XKR5: variants seen among roughly 807,000 people sequenced by gnomAD.
XKR5 encodes the protein XK related 5.
Under a neutral mutation model 40.8 loss-of-function variants are expected in XKR5, and 46 were observed. The observed-to-expected ratio is 1.13, with a 90% CI of 0.89 to 1.44. XKR5 has a LOEUF of 1.44. Among genes scored for constraint, XKR5 ranks in the 40% most tolerant of loss-of-function variants. The probability of loss-of-function intolerance (pLI) is 0.00; values close to 1 mark genes in which losing one functional copy is unlikely to be tolerated. For synonymous variants in XKR5, 466 were observed against 356.1 expected (o/e 1.31, Z -3.48); for missense variants, 1,169 against 844.7 (o/e 1.38, Z -4.76).
intron 1 of XKR5, among the ~76,000 whole-genome samples, 159 bp downstream of exon 1, chr8:6,835,277 C>G (rs1461221886): frequency 6.6e-6 from 1 of 152,130 alleles, no homozygotes; most frequent in Non-Finnish European, 1.5e-5. Context: ...AGGACGTGCT[C>G]TGCAGGTGGG....
intron 5 of XKR5, among the ~76,000 whole-genome samples, chr8:6,817,535 C>T (rs1404133110): frequency 1.3e-5 from 2 of 151,896 alleles, no homozygotes; most frequent in Non-Finnish European, 2.9e-5. Flanking sequence ...AAACACTGAC[C>T]GAGTTTCCAG....
At position 6,831,628 on chromosome 8, in the gene XKR5, C is replaced by T. The variant is rs117178730; in HGVS notation, c.242+1089G>A. 4.1e-3 allele frequency among the ~76,000 whole-genome samples: 617 copies of T among 152,212 alleles called. 5 individuals carry two copies. Among genetic ancestry groups the T allele is most frequent in the Non-Finnish European group, 6.9e-3 (466 of 68,012 alleles). On this transcript the variant is annotated intron_variant, in intron 2 of 6. Coordinates refer to ENST00000618742, the MANE Select transcript of XKR5 (RefSeq NM_207411.5). ...CACACAGCAGCATTGGCCACGACCC[C>T]TTGAACACCTTTCCAACCCTCAGTG... is the stretch of plus-strand genomic sequence containing the variant.
chr8:6,823,526 A>G lies in XKR5; in HGVS notation c.632T>C (p.Val211Ala). 6.3e-7 allele frequency: 1 copy of G among 1,584,818 alleles called. No individual in the cohort carries two copies. The highest frequency in any genetic ancestry group is 8.6e-7 in the Non-Finnish European group (1 of 1,165,198). Residue 211 changes from valine (V) to alanine (A), a missense_variant, in exon 4 of 7, where the codon GTT becomes GCT. Val to Ala is a moderately conservative substitution (Grantham distance 64, BLOSUM62 0). Coordinates refer to ENST00000618742, the MANE Select transcript of XKR5 (RefSeq NM_207411.5). ...AGATCATTAGCTCAGCTCACCTGCA[A>G]CCACAAAAACCCAAAAGTGGTAGGC... Reference protein sequence around the residue: ...YKAYHFWVFVVAGAHWLVMTF... With the variant: ...YKAYHFWVFVAAGAHWLVMTF...
At chr8:6,820,588 ACTT>A (rs34317522) in intron 5 of XKR5, among the ~76,000 whole-genome samples, 71,471 of 151,750 alleles carry the variant, frequency 0.47, 17,756 homozygotes, top group East Asian at 0.93. Context: ...TCAATATTCC[ACTT>A]CTTTGTTCAC....
chr8:6,835,371 C>T (rs1052117677), intron 1 of XKR5, 65 bp downstream of exon 1: 2 of 1,350,662 alleles, frequency 1.5e-6, no homozygotes, highest in South Asian at 1.7e-5. Context: ...GCCTGTGCGG[C>T]TCCCGGCGCC....
intron 1 of XKR5, among the ~76,000 whole-genome samples, chr8:6,834,055 G>T (rs1230700850): frequency 1.3e-5 from 2 of 152,132 alleles, no homozygotes; most frequent in African/African-American, 4.8e-5. Flanking sequence ...TCTCTGTGGG[G>T]TCCCTTTTCT....
intron 6 of XKR5, among the ~76,000 whole-genome samples, chr8:6,813,563 C>T (rs1389504342): frequency 6.6e-6 from 1 of 152,208 alleles, no homozygotes; most frequent in African/African-American, 2.4e-5. Flanking sequence ...AGCTTGTGCT[C>T]CTTGGACTAC....
chr8:6,820,102 A>C (rs1587172889), intron 5 of XKR5, among the ~76,000 whole-genome samples: 1 of 152,340 alleles, frequency 6.6e-6, no homozygotes, highest in Non-Finnish European at 1.5e-5. Flanking sequence ...GGTGACTCTC[A>C]TACAGTTCAG....
At position 6,825,150 on chromosome 8, in the gene XKR5, G is replaced by A. The variant is rs755307494; in HGVS notation, c.427+15C>T. ...GCAGTCAGACAGTCTGTGCTCTGTG[G>A]TGACAGTTACTCACCTGGCACAATA... On this transcript the variant is annotated intron_variant, in intron 3 of 6. Transcript: ENST00000618742. 6.8e-6 allele frequency: 11 copies of A among 1,613,280 alleles called. No individual in the cohort carries two copies. In the South Asian group the frequency reaches 1.1e-4, roughly 16 times the overall value.
At chr8:6,818,110 A>G (rs1220568124) in intron 5 of XKR5, among the ~76,000 whole-genome samples, 1 of 152,202 alleles carries the variant, frequency 6.6e-6, no homozygotes, top group Non-Finnish European at 1.5e-5. Context: ...CGATACACTC[A>G]GTGCAATCTG....
rs982440826 is a variant in XKR5, at chr8:6,821,748, T to G, written c.807+121A>C. Reference sequence around the variant, plus strand: ...TAAGAATTTTTCTTAAACTAAGCTATTCCTTTTCAATAGATAGGTGTGCAT... The same window carrying G: ...TAAGAATTTTTCTTAAACTAAGCTAGTCCTTTTCAATAGATAGGTGTGCAT... On this transcript the variant is annotated intron_variant, in intron 5 of 6. Coordinates refer to ENST00000618742, the MANE Select transcript of XKR5 (RefSeq NM_207411.5). 4.2e-5 allele frequency: 35 copies of G among 839,658 alleles called. No individual in the cohort carries two copies. The African/African-American group carries it at 6.1e-4, about 15-fold the overall frequency. The allele number at this position is 839,658 out of a possible 1,614,324, so 52.0% of individuals were successfully genotyped here.
chr8:6,811,976 C>A lies in XKR5; in HGVS notation c.1283G>T (p.Ser428Ile), dbSNP rs77060482. The change falls in exon 7 of 7, where the codon AGT becomes ATT. Residue 428 changes from serine (S) to isoleucine (I), a missense_variant. Physicochemically the swap from Ser to Ile is moderately radical, Grantham distance 142 (BLOSUM62 -2). Coordinates refer to ENST00000618742, the MANE Select transcript of XKR5 (RefSeq NM_207411.5). ...SKINAAFGDN[S>I]PAYCPPAWGL... Reference sequence around the variant, plus strand: ...CCATGCAGGTGGACAATAGGCAGGACTGTTATCTCCAAAGGCGGCATTGAT... The same window carrying A: ...CCATGCAGGTGGACAATAGGCAGGAATGTTATCTCCAAAGGCGGCATTGAT... 5.4e-4 allele frequency: 834 copies of A among 1,537,318 alleles called. 3 individuals carry two copies. The African/African-American group carries it at 0.01, about 19-fold the overall frequency.
At position 6,811,325 on chromosome 8, in the gene XKR5, C is replaced by T; in HGVS notation, c.1934G>A (p.Trp645Ter). 2 of 1,537,372 alleles carry T rather than the reference C, an allele frequency of 1.3e-6. No homozygotes were observed. Among genetic ancestry groups the T allele is most frequent in the African/African-American group, 1.4e-5 (1 of 73,180 alleles). ...ELSHHAAVGV[W>*]VSLPQLRTAH... ...AGTCCTCAGCTGTGGCAATGACACC[C>T]ACACACCAACAGCTGCATGGTGACT... Residue 645 changes from tryptophan (W) to a stop codon, truncating the protein, a stop_gained, in exon 7 of 7, where the codon TGG (tryptophan) becomes TAG (stop). Coordinates refer to ENST00000618742, the MANE Select transcript of XKR5 (RefSeq NM_207411.5). LOFTEE classifies it low-confidence loss of function (END_TRUNC).
At chr8:6,833,451 A>T (rs1804862961) in intron 1 of XKR5, among the ~76,000 whole-genome samples, 1 of 152,112 alleles carries the variant, frequency 6.6e-6, no homozygotes, top group South Asian at 2.1e-4. Flanking sequence ...TTGTGGCCAC[A>T]CCTAATTATC....
At chr8:6,823,754 G>C (rs1231112991) in intron 3 of XKR5, 24 bp from the exon 4 acceptor site, 1 of 1,535,954 alleles carries the variant, frequency 6.5e-7, no homozygotes. Context: ...AGAAAGATGT[G>C]GTATGCTCTG....
chr8:6,814,111 A>G (rs371947093), intron 6 of XKR5, among the ~76,000 whole-genome samples: 1 of 152,194 alleles, frequency 6.6e-6, no homozygotes, highest in Non-Finnish European at 1.5e-5. Context: ...CCACGATGCA[A>G]TGTGGTGAGA....
At chr8:6,813,332 C>T (rs977471496) in intron 6 of XKR5, among the ~76,000 whole-genome samples, 6 of 152,210 alleles carry the variant, frequency 3.9e-5, no homozygotes, top group Admixed American at 1.3e-4. Context: ...TGGTGAGGGA[C>T]ATATTGTCAC....
At chr8:6,822,092 A>G in intron 4 of XKR5, 54 bp from the exon 5 acceptor site, 8 of 1,521,438 alleles carry the variant, frequency 5.3e-6, no homozygotes, top group Non-Finnish European at 7.1e-6. Flanking sequence ...ATGGGGGGAC[A>G]GGCAAGGACA....
At chr8:6,829,783 C>A (rs574337806) in intron 2 of XKR5, among the ~76,000 whole-genome samples, 1 of 148,462 alleles carries the variant, frequency 6.7e-6, no homozygotes, top group African/African-American at 2.5e-5. Flanking sequence ...TCCTAAAGCA[C>A]TGAGATTACA....
Sources: allele counts gnomAD v4.1 joint callset (sites outside exome capture counted in the v4.1 genomes callset), GRCh38; gene constraint gnomAD v4.1.1; transcripts MANE v1.5; gene names NCBI Gene and HGNC (gene_info 2026-07-23, HGNC 2026-07-21).